The following TRMT11 variants were observed in gnomAD, a reference collection of about 807,000 sequenced individuals.
TRMT11 encodes tRNA methyltransferase 11, also known as tRNA (guanine(10)-N(2))-methyltransferase TRMT11.
A neutral mutation model predicts 62.8 loss-of-function variants in TRMT11; 53 were observed. The ratio of observed to expected loss-of-function variants is 0.84; its 90% CI spans 0.68 to 1.06. The LOEUF is 1.06. Ranked by LOEUF, TRMT11 falls within the 50% of genes least tolerant of loss-of-function variation. The pLI is 0.00. For synonymous variants in TRMT11, 188 were observed against 190.3 expected (o/e 0.99, Z 0.10); for missense variants, 556 against 553.4 (o/e 1.00, Z -0.05).
At chr6:126,001,433 G>T (rs759050931) in intron 7 of TRMT11, among the ~76,000 whole-genome samples, 2 of 151,862 alleles carry the variant, frequency 1.3e-5, no homozygotes, top group Non-Finnish European at 2.9e-5. Flanking sequence ...TTAGGATTAG[G>T]TTATACATTC....
chr6:126,116,845 G>A lies in TRMT11; in HGVS notation c.*1823+990G>A, dbSNP rs143070048. On this transcript the variant is annotated intron_variant and NMD_transcript_variant, in intron 21 of 22. Coordinates refer to the TRMT11 transcript ENST00000648977. ...GTAGAATTTGGATGTTCATGAGGGA[G>A]ATTTAAATTCACACACCATTTTCCT... 2.0e-4 allele frequency among the ~76,000 whole-genome samples: 31 copies of A among 152,186 alleles called. No homozygotes were observed. In the East Asian group the frequency reaches 5.0e-3, roughly 25 times the overall value.
In TRMT11 at chr6:126,201,511, C is replaced by T. The variant is rs146081423; in HGVS notation, n.372-517C>T. Among the ~76,000 whole-genome samples the T allele has an allele frequency of 9.9e-5, 15 of 152,246 alleles. No individual in the cohort carries two copies. The East Asian group carries it at 1.4e-3, about 14-fold the overall frequency. On this transcript the variant is annotated intron_variant and non_coding_transcript_variant, in intron 3 of 3. Transcript: ENST00000444229. ...CAGATGTCCCTCCTGTGGATTGATC[C>T]GGATCCTATCAATTACACAATGGAC...
intron 1 of TRMT11, among the ~76,000 whole-genome samples, chr6:126,197,513 C>G (rs1232886685): frequency 6.6e-6 from 1 of 152,144 alleles, no homozygotes; most frequent in African/African-American, 2.4e-5. Context: ...AAGCTACATA[C>G]TATTTCACTT....
chr6:126,119,831 T>G (rs1777630210), intron 21 of TRMT11, among the ~76,000 whole-genome samples: 1 of 152,148 alleles, frequency 6.6e-6, no homozygotes, highest in African/African-American at 2.4e-5. Flanking sequence ...ATTGCAGGAC[T>G]CTATCCTAAG....
At chr6:126,032,683 AAGTATATGTCT>A (rs1337545925) in intron 12 of TRMT11, among the ~76,000 whole-genome samples, 2 of 152,136 alleles carry the variant, frequency 1.3e-5, no homozygotes, top group Non-Finnish European at 2.9e-5. Flanking sequence ...CACAGTTTGT[AAGTATATGTCT>A]GGATGTACAT....
intron 21 of TRMT11, among the ~76,000 whole-genome samples, chr6:126,121,740 A>G (rs113084340): frequency 0.081 from 12,257 of 152,148 alleles, 1,562 homozygotes; most frequent in African/African-American, 0.27. Context: ...CATCATGTCC[A>G]GGACAATTTA....
In TRMT11 at chr6:126,136,762, C is replaced by CATAGTACTG. The variant is rs1412402488; in HGVS notation, c.*1823+20908_*1823+20916dup. The stretch of plus-strand genomic sequence containing the variant: ...GACAAAACTATAATAAACATAACAG[C>CATAGTACTG]ATAGTACTGGCATAAAAACAGAGAC... On this transcript the variant is annotated intron_variant and NMD_transcript_variant, in intron 21 of 22. Transcript: ENST00000648977. 1.1e-4 allele frequency among the ~76,000 whole-genome samples: 16 copies of CATAGTACTG among 151,790 alleles called. No individual in the cohort carries two copies. In the East Asian group the frequency reaches 2.9e-3, roughly 28 times the overall value.
At chr6:126,068,738 CTT>C (rs1476965587) in intron 17 of TRMT11, among the ~76,000 whole-genome samples, 3 of 152,324 alleles carry the variant, frequency 2.0e-5, no homozygotes, top group East Asian at 1.9e-4. Context: ...ATTCTTAACT[CTT>C]TGCATTTTCC....
the TRMT11 span, among the ~76,000 whole-genome samples, chr6:126,217,451 T>C: frequency 3.3e-5 from 5 of 152,222 alleles, no homozygotes; most frequent in Admixed American, 3.3e-4. Context: ...AGTATCTGCA[T>C]TGGGGGCACC....
chr6:125,995,741 C>T (rs1219482317), intron 2 of TRMT11, among the ~76,000 whole-genome samples: 2 of 152,092 alleles, frequency 1.3e-5, no homozygotes, highest in Admixed American at 6.5e-5. Flanking sequence ...ATTAATGTTT[C>T]ATTTGAGGAT....
At chr6:126,090,933 G>A (rs928146507) in intron 17 of TRMT11, among the ~76,000 whole-genome samples, 4 of 152,132 alleles carry the variant, frequency 2.6e-5, no homozygotes, top group Non-Finnish European at 4.4e-5. Context: ...AGCCTAGGCC[G>A]GGTGCGATAG....
intron 21 of TRMT11, among the ~76,000 whole-genome samples, chr6:126,127,467 A>G (rs1219425397): frequency 6.6e-6 from 1 of 152,044 alleles, no homozygotes; most frequent in African/African-American, 2.4e-5. Flanking sequence ...TTTTTTATTT[A>G]AAGAAGAGCC....
intron 7 of TRMT11, among the ~76,000 whole-genome samples, chr6:126,005,034 A>T (rs555307688): frequency 6.6e-6 from 1 of 152,038 alleles, no homozygotes; most frequent in South Asian, 2.1e-4. Flanking sequence ...GAGACATAGC[A>T]TTGTGTCATC....
At chr6:126,011,732 T>C (rs547231052) in intron 9 of TRMT11, among the ~76,000 whole-genome samples, 6 of 152,314 alleles carry the variant, frequency 3.9e-5, no homozygotes, top group African/African-American at 1.4e-4. Flanking sequence ...TGTTTTTGTA[T>C]TGACTATAAT....
chr6:126,228,792 C>T, the TRMT11 span, among the ~76,000 whole-genome samples: 1 of 152,148 alleles, frequency 6.6e-6, no homozygotes, highest in Non-Finnish European at 1.5e-5. Context: ...CTCAGAGCTC[C>T]ACGAGCATTT....
At chr6:126,028,358 A>G (rs1773576876) in intron 12 of TRMT11, among the ~76,000 whole-genome samples, 1 of 152,220 alleles carries the variant, frequency 6.6e-6, no homozygotes, top group Non-Finnish European at 1.5e-5. Context: ...AGGTCTTCAT[A>G]CAATCCAGTA....
intron 8 of TRMT11, among the ~76,000 whole-genome samples, chr6:126,010,205 C>T (rs967830917): frequency 1.3e-5 from 2 of 151,942 alleles, no homozygotes; most frequent in African/African-American, 4.8e-5. Flanking sequence ...GTTGAAAACG[C>T]TAACAAAGGC....
intron 21 of TRMT11, among the ~76,000 whole-genome samples, chr6:126,149,392 T>C (rs1778012241): frequency 6.6e-6 from 1 of 152,166 alleles, no homozygotes; most frequent in Admixed American, 6.6e-5. Flanking sequence ...TCTATTGGGG[T>C]CATCTTATGG....
chr6:126,262,338 G>A, the TRMT11 span, among the ~76,000 whole-genome samples: 2 of 152,190 alleles, frequency 1.3e-5, no homozygotes, highest in Non-Finnish European at 2.9e-5. Flanking sequence ...CTGCATGGTA[G>A]TATTCTCACT....
Sources: gnomAD v4.1 joint callset for allele counts (sites outside exome capture counted in the v4.1 genomes callset) on GRCh38, gnomAD v4.1.1 for gene constraint, MANE v1.5 for transcripts, NCBI Gene and HGNC (gene_info 2026-07-23, HGNC 2026-07-21) for gene names.